The following OR1J2 variants were observed in gnomAD, a reference collection of about 807,000 sequenced individuals.
The protein encoded by OR1J2 is olfactory receptor 1J2.
For synonymous variants in OR1J2, 142 were observed against 99.7 expected (o/e 1.42, Z -2.52); for missense variants, 304 against 246.1 (o/e 1.24, Z -1.57).
chr9:122,473,353 G>A, the OR1J2 span, among the ~76,000 whole-genome samples: 2 of 152,080 alleles, frequency 1.3e-5, no homozygotes, highest in South Asian at 2.1e-4. Flanking sequence ...TGATCTCCTA[G>A]TAGGGCCCTA....
the OR1J2 span, among the ~76,000 whole-genome samples, chr9:122,560,996 C>G: frequency 2.0e-5 from 3 of 152,260 alleles, no homozygotes; most frequent in Non-Finnish European, 1.5e-5. Context: ...TTTACATAGT[C>G]CCATATTTCT....
chr9:122,547,478 C>T, the OR1J2 span, among the ~76,000 whole-genome samples: 5 of 152,050 alleles, frequency 3.3e-5, no homozygotes, highest in Admixed American at 3.3e-4. Flanking sequence ...TAACTATCAC[C>T]AGAATATGGT....
At chr9:122,477,841 G>A in the OR1J2 span, 3 of 1,614,070 alleles carry the variant, frequency 1.9e-6, no homozygotes, top group Non-Finnish European at 2.5e-6. Flanking sequence ...CAGGAACAGG[G>A]CGAAGAACAC....
the OR1J2 span, among the ~76,000 whole-genome samples, chr9:122,449,400 C>T: frequency 3.9e-5 from 6 of 152,016 alleles, no homozygotes; most frequent in Non-Finnish European, 8.8e-5. Flanking sequence ...GACAGAGTCT[C>T]GCTCTGTCGC....
upstream of OR1J2, among the ~76,000 whole-genome samples, chr9:122,509,637 C>T (rs1223207798): frequency 6.6e-6 from 1 of 152,042 alleles, no homozygotes; most frequent in Non-Finnish European, 1.5e-5. Flanking sequence ...TGTGCCTTCC[C>T]ACAAGGTTGG....
At chr9:122,469,237 G>A in the OR1J2 span, among the ~76,000 whole-genome samples, 1 of 152,210 alleles carries the variant, frequency 6.6e-6, no homozygotes, top group African/African-American at 2.4e-5. Context: ...ATCTTGAATT[G>A]TAGTTCCATA....
the OR1J2 span, chr9:122,568,028 G>T: frequency 6.2e-7 from 1 of 1,614,090 alleles, no homozygotes; most frequent in Non-Finnish European, 8.5e-7. Flanking sequence ...GAGGAAATGA[G>T]CAGGAGAAGG....
downstream of OR1J2, chr9:122,511,867 T>C (rs1828645080): frequency 1.6e-6 from 1 of 638,722 alleles, no homozygotes; most frequent in African/African-American, 1.8e-5. Context: ...ACATGTTGAA[T>C]GTAATTGGTA....
At chr9:122,553,459 A>G in the OR1J2 span, 8 of 1,613,974 alleles carry the variant, frequency 5.0e-6, no homozygotes, top group African/African-American at 1.3e-5. Context: ...TCCATCCCCA[A>G]AATGCTGGCC....
the OR1J2 span, among the ~76,000 whole-genome samples, chr9:122,540,683 T>C: frequency 6.6e-6 from 1 of 152,352 alleles, no homozygotes; most frequent in East Asian, 1.9e-4. Context: ...GGGGATGGCA[T>C]TGAATCTATA....
the OR1J2 span, among the ~76,000 whole-genome samples, chr9:122,493,020 T>C: frequency 2.0e-5 from 3 of 152,172 alleles, no homozygotes; most frequent in Non-Finnish European, 4.4e-5. Flanking sequence ...TTGACTTACG[T>C]ATGTTAAATC....
At chr9:122,541,148 T>C in the OR1J2 span, among the ~76,000 whole-genome samples, 1 of 152,290 alleles carries the variant, frequency 6.6e-6, no homozygotes, top group South Asian at 2.1e-4. Context: ...ATTACAGTAA[T>C]CTTGACTCCT....
At chr9:122,497,215 T>C in the OR1J2 span, among the ~76,000 whole-genome samples, 8 of 152,170 alleles carry the variant, frequency 5.3e-5, no homozygotes, top group Non-Finnish European at 1.2e-4. Flanking sequence ...GTCTGTGGAT[T>C]CTCTTGACTT....
chr9:122,571,134 G>A, the OR1J2 span, among the ~76,000 whole-genome samples: 2 of 152,118 alleles, frequency 1.3e-5, no homozygotes, highest in Non-Finnish European at 1.5e-5. Flanking sequence ...AAACTTTCTT[G>A]TCCCATGTTC....
chr9:122,473,817 G>A, the OR1J2 span, among the ~76,000 whole-genome samples: 1 of 152,172 alleles, frequency 6.6e-6, no homozygotes, highest in African/African-American at 2.4e-5. Flanking sequence ...AGCCACTAAT[G>A]AAGAAATGGT....
chr9:122,577,221 T>G, the OR1J2 span, among the ~76,000 whole-genome samples: 1 of 152,206 alleles, frequency 6.6e-6, no homozygotes, highest in South Asian at 2.1e-4. Context: ...ATTCATACAC[T>G]GGTGCCTTAA....
the OR1J2 span, among the ~76,000 whole-genome samples, chr9:122,488,446 A>G: frequency 6.6e-6 from 1 of 152,174 alleles, no homozygotes; most frequent in Admixed American, 6.5e-5. Flanking sequence ...GCCTATACAG[A>G]CTTCCTCCTT....
chr9:122,456,306 T>C, the OR1J2 span, among the ~76,000 whole-genome samples: 4 of 152,182 alleles, frequency 2.6e-5, no homozygotes, highest in African/African-American at 9.6e-5. Context: ...AGAGATCCTA[T>C]GCTTTTAGCT....
the OR1J2 span, among the ~76,000 whole-genome samples, chr9:122,555,029 C>A: frequency 6.6e-6 from 1 of 151,990 alleles, no homozygotes; most frequent in Non-Finnish European, 1.5e-5. Flanking sequence ...CAATGGTTTT[C>A]TTTTTGCAAT....
Sources: gnomAD v4.1 joint callset for allele counts (sites outside exome capture counted in the v4.1 genomes callset) on GRCh38, gnomAD v4.1.1 for gene constraint, MANE v1.5 for transcripts, NCBI Gene and HGNC (gene_info 2026-07-23, HGNC 2026-07-21) for gene names.